CEP85L: variants seen among roughly 807,000 people sequenced by gnomAD.
CEP85L encodes the protein centrosomal protein of 85 kDa-like.
CEP85L carries 60 observed loss-of-function variants against 100.3 expected under a neutral mutation model. The ratio of observed to expected loss-of-function variants is 0.60; its 90% CI spans 0.49 to 0.74. The LOEUF (loss-of-function observed/expected upper bound fraction) is 0.74. Among genes scored for constraint, CEP85L ranks in the 30% least tolerant of loss-of-function variants. The probability of loss-of-function intolerance (pLI) is 0.00; values close to 1 mark genes in which losing one functional copy is unlikely to be tolerated. For missense variants in CEP85L, 973 were observed against 936.2 expected (o/e 1.04, Z -0.51); for synonymous variants, 319 against 322.7 (o/e 0.99, Z 0.12).
intron 2 of CEP85L, among the ~76,000 whole-genome samples, chr6:118,616,643 C>A (rs1049802126): frequency 1.5e-5 from 2 of 134,836 alleles, no homozygotes; most frequent in Non-Finnish European, 3.1e-5. Context: ...AGGACCCTGT[C>A]TTTAAAAAAA....
At chr6:118,652,352 C>T (rs1775616624), upstream of CEP85L, 6 of 1,011,264 alleles carry the variant, frequency 5.9e-6, no homozygotes, top group South Asian at 2.0e-4. Context: ...CAGGAGGAGA[C>T]GTCCTAAGGA....
intron 1 of CEP85L, among the ~76,000 whole-genome samples, chr6:118,709,608 T>C (rs1291888366): frequency 7.0e-6 from 1 of 142,170 alleles, no homozygotes. Flanking sequence ...CAAGTACCCT[T>C]TACATCCAGT....
chr6:118,523,915 C>G lies in CEP85L; in HGVS notation c.1026G>C (p.Leu342Phe). Reference protein sequence around the residue: ...RQGSETPMQVLTGSSRQSYSP... With the variant: ...RQGSETPMQVFTGSSRQSYSP... ...AATAACTTTGACGAGATGATCCAGT[C>G]AAAACCTGCAGAAACATGTTTACAC... is the stretch of plus-strand genomic sequence containing the variant. The change falls in exon 4 of 13, where the codon TTG (leucine) becomes TTC (phenylalanine). Residue 342 changes from leucine to phenylalanine, a missense_variant. By Grantham distance (22) the Leu-to-Phe change is conservative (BLOSUM62 0). Around this residue, in one of 3 missense-constraint regions of CEP85L, gnomAD observed 890 missense variants for 844.5 expected, o/e 1.05. Coordinates refer to ENST00000368491, the MANE Select transcript of CEP85L (RefSeq NM_001042475.3). 1 of 1,506,518 alleles carries G rather than the reference C, an allele frequency of 6.6e-7. No individual in the cohort carries two copies. The highest frequency in any genetic ancestry group is 9.2e-7 in the Non-Finnish European group (1 of 1,087,180). The allele number at this position is 1,506,518 out of a possible 1,614,324, so 93.3% of individuals were successfully genotyped here. A position where few individuals can be genotyped will look rare whatever the true frequency, so the allele number is the denominator to read the frequency against.
intron 2 of CEP85L, among the ~76,000 whole-genome samples, chr6:118,600,326 T>C (rs1000510528): frequency 1.8e-5 from 2 of 112,318 alleles, no homozygotes; most frequent in African/African-American, 6.6e-5. Context: ...TGTGTGTGTG[T>C]GTGTGTGTGT....
chr6:118,618,475 T>C (rs1025474591), intron 2 of CEP85L, among the ~76,000 whole-genome samples: 42 of 152,206 alleles, frequency 2.8e-4, no homozygotes, highest in Non-Finnish European at 2.9e-5. Context: ...TTCATGTGGA[T>C]GGTAGAGGCC....
At chr6:118,484,909 CTG>C (rs1483588189) in intron 6 of CEP85L, among the ~76,000 whole-genome samples, 1 of 152,296 alleles carries the variant, frequency 6.6e-6, no homozygotes, top group Middle Eastern at 3.4e-3. Context: ...GTTTAAGGCA[CTG>C]TGTCATAATT....
chr6:118,647,451 C>A (rs1383224575), intron 1 of CEP85L, among the ~76,000 whole-genome samples: 1 of 152,212 alleles, frequency 6.6e-6, no homozygotes, highest in Non-Finnish European at 1.5e-5. Flanking sequence ...ACCTCAGCCT[C>A]CCGGGTTCAG....
rs1053080644 is a variant in CEP85L at position 118,536,888 on chromosome 6, C to T, written c.1021-12968G>A. Reference sequence around the variant, plus strand: ...TTCAAATAACTTCTCCCCTATATCCCTTTAGTAACACATTTTTTCCCAAGT... The same window carrying T: ...TTCAAATAACTTCTCCCCTATATCCTTTTAGTAACACATTTTTTCCCAAGT... On this transcript the variant is annotated intron_variant, in intron 3 of 12. Transcript: ENST00000368491. Among the ~76,000 whole-genome samples, 11 of 152,220 alleles carry T rather than the reference C, an allele frequency of 7.2e-5. 1 individual carries two copies. In the Middle Eastern group the frequency reaches 0.02, roughly 282 times the overall value.
At chr6:118,700,805 T>TA (rs1480716237) in intron 1 of CEP85L, among the ~76,000 whole-genome samples, 16 of 152,184 alleles carry the variant, frequency 1.1e-4, no homozygotes, top group Admixed American at 1.0e-3. Flanking sequence ...CTCATTGGGC[T>TA]AAAAATGGTA....
chr6:118,704,809 G>T (rs1045687540), intron 1 of CEP85L, among the ~76,000 whole-genome samples: 1 of 152,088 alleles, frequency 6.6e-6, no homozygotes. Flanking sequence ...CATGGCGCTG[G>T]GGCATTTTAT....
intron 1 of CEP85L, among the ~76,000 whole-genome samples, chr6:118,662,905 A>G (rs1001902309): frequency 5.3e-5 from 8 of 152,212 alleles, no homozygotes; most frequent in Admixed American, 1.3e-4. Context: ...TCATCCTGAT[A>G]TAGTGGAAAG....
At chr6:118,485,191 A>G (rs1461847686) in intron 6 of CEP85L, among the ~76,000 whole-genome samples, 5 of 152,218 alleles carry the variant, frequency 3.3e-5, no homozygotes, top group Admixed American at 6.5e-5. Context: ...TTTACCTTAA[A>G]TTAACAATCT....
chr6:118,504,846 GA>G (rs1321880808), intron 5 of CEP85L, among the ~76,000 whole-genome samples: 1 of 152,206 alleles, frequency 6.6e-6, no homozygotes, highest in African/African-American at 2.4e-5. Context: ...GGTGTCTGCT[GA>G]AGAATATGCA....
chr6:118,551,254 T>C (rs1412662295), intron 3 of CEP85L, among the ~76,000 whole-genome samples: 5 of 151,866 alleles, frequency 3.3e-5, no homozygotes, highest in African/African-American at 1.2e-4. Context: ...ATGTACAGCA[T>C]ACTCATAGTC....
intron 5 of CEP85L, among the ~76,000 whole-genome samples, chr6:118,499,269 A>C (rs996798411): frequency 6.6e-6 from 1 of 152,234 alleles, no homozygotes; most frequent in Non-Finnish European, 1.5e-5. Flanking sequence ...TCAATGTTTG[A>C]AAATTAATTA....
At chr6:118,707,142 G>A (rs1777615558) in intron 1 of CEP85L, among the ~76,000 whole-genome samples, 1 of 151,636 alleles carries the variant, frequency 6.6e-6, no homozygotes, top group Admixed American at 6.6e-5. Flanking sequence ...CCTCCAGGCT[G>A]GTCCCAGCAG....
chr6:118,477,014 C>A (rs907917346), intron 10 of CEP85L, among the ~76,000 whole-genome samples: 5 of 152,122 alleles, frequency 3.3e-5, no homozygotes, highest in African/African-American at 1.2e-4. Context: ...ATGAAGAACT[C>A]AATCACATTC....
chr6:118,680,306 CTTT>C lies in CEP85L; in HGVS notation c.-27-27501_-27-27499del, dbSNP rs57764027. On this transcript the variant is annotated intron_variant, in intron 1 of 13. Coordinates refer to the CEP85L transcript ENST00000368488. ...AAAAAAGAATCTTTCCTTGGTGTTG[CTTT>C]TTTTTTTTTTTTTTTTTTTTTGACA... 5.6e-3 allele frequency among the ~76,000 whole-genome samples: 315 copies of C among 56,124 alleles called. 3 individuals carry two copies. The highest frequency in any genetic ancestry group is 8.3e-3 in the Non-Finnish European group (244 of 29,570). 36.8% of individuals were successfully genotyped at this position (56,124 alleles called of 152,430 possible).
intron 3 of CEP85L, among the ~76,000 whole-genome samples, chr6:118,540,405 T>A (rs192446619): frequency 1.3e-5 from 2 of 152,144 alleles, no homozygotes; most frequent in African/African-American, 4.8e-5. Context: ...GTAAGAAATA[T>A]CTACACTTAA....
Sources: gnomAD v4.1 joint callset for allele counts (sites outside exome capture counted in the v4.1 genomes callset) on GRCh38, gnomAD v4.1.1 for gene constraint, gnomAD v4.1.1 regional missense constraint, MANE v1.5 for transcripts, NCBI Gene and HGNC (gene_info 2026-07-23, HGNC 2026-07-21) for gene names.